PTPRN2: variants seen among roughly 807,000 people sequenced by gnomAD.
The protein encoded by PTPRN2 is protein tyrosine phosphatase receptor type N2.
PTPRN2 carries 74 observed loss-of-function variants against 118.8 expected under a neutral mutation model. The ratio of observed to expected loss-of-function variants is 0.62; its 90% CI spans 0.52 to 0.76. The LOEUF is 0.76. PTPRN2 is among the 30% of genes least tolerant of loss of function. The probability of loss-of-function intolerance (pLI) is 0.00; values close to 1 mark genes in which losing one functional copy is unlikely to be tolerated. For synonymous variants in PTPRN2, 641 were observed against 608.0 expected (o/e 1.05, Z -0.80); for missense variants, 1,481 against 1,394.4 (o/e 1.06, Z -0.99).
intron 10 of PTPRN2, among the ~76,000 whole-genome samples, chr7:158,108,940 T>C (rs1815934978): frequency 6.6e-6 from 1 of 152,210 alleles, no homozygotes; most frequent in Non-Finnish European, 1.5e-5. Context: ...GTGAATGACA[T>C]CAACCCTGTG....
intron 3 of PTPRN2, among the ~76,000 whole-genome samples, chr7:158,291,915 G>T (rs1015109915): frequency 2.0e-5 from 3 of 152,134 alleles, no homozygotes; most frequent in African/African-American, 7.2e-5. Flanking sequence ...AAAACAAGAG[G>T]CCCAGACATC....
chr7:157,817,331 T>G (rs552835299), intron 12 of PTPRN2, among the ~76,000 whole-genome samples: 1 of 152,176 alleles, frequency 6.6e-6, no homozygotes, highest in East Asian at 1.9e-4. Context: ...CGAAGAATCA[T>G]GTCACAGGAA....
At chr7:158,582,349 G>A (rs888137834) in intron 1 of PTPRN2, among the ~76,000 whole-genome samples, 2 of 152,132 alleles carry the variant, frequency 1.3e-5, no homozygotes, top group African/African-American at 2.4e-5. Flanking sequence ...TCTGGCCTTC[G>A]TCTCTTGGGA....
intron 12 of PTPRN2, among the ~76,000 whole-genome samples, chr7:157,769,047 C>T: frequency 6.6e-6 from 1 of 152,182 alleles, no homozygotes; most frequent in South Asian, 2.1e-4. Flanking sequence ...GTAATGTTGG[C>T]ATAATTTTTC....
intron 12 of PTPRN2, among the ~76,000 whole-genome samples, chr7:157,797,637 C>T (rs1421154382): frequency 6.6e-6 from 1 of 152,236 alleles, no homozygotes; most frequent in Non-Finnish European, 1.5e-5. Flanking sequence ...GGTGGCAGGG[C>T]CTGGCCAGAG....
At chr7:157,568,254 A>C (rs1325779981) in intron 21 of PTPRN2, among the ~76,000 whole-genome samples, 13 of 151,974 alleles carry the variant, frequency 8.6e-5, no homozygotes, top group Admixed American at 8.5e-4. Context: ...CCGTCTGCGC[A>C]TGCTGCCGCT....
intron 11 of PTPRN2, among the ~76,000 whole-genome samples, chr7:158,010,634 T>C (rs1317108986): frequency 6.6e-6 from 1 of 152,240 alleles, no homozygotes; most frequent in African/African-American, 2.4e-5. Context: ...CCCATTTATA[T>C]AGCACCAGTA....
intron 11 of PTPRN2, among the ~76,000 whole-genome samples, chr7:157,946,454 A>T (rs1289254540): frequency 6.6e-6 from 1 of 152,148 alleles, no homozygotes; most frequent in Non-Finnish European, 1.5e-5. Flanking sequence ...CAAAATAAAG[A>T]CTCTGCATGT....
intron 14 of PTPRN2, among the ~76,000 whole-genome samples, chr7:157,650,528 C>T (rs918480959): frequency 5.9e-5 from 9 of 152,182 alleles, no homozygotes; most frequent in Non-Finnish European, 1.2e-4. Flanking sequence ...ATCAGGCCTC[C>T]GCGCCAGCAC....
intron 4 of PTPRN2, among the ~76,000 whole-genome samples, chr7:158,195,126 C>T (rs1016790453): frequency 3.3e-5 from 5 of 152,182 alleles, no homozygotes; most frequent in Non-Finnish European, 7.3e-5. Flanking sequence ...GGTCATGGAG[C>T]TCTGTGGGTG....
chr7:157,946,869 G>A (rs1453056412), intron 11 of PTPRN2, among the ~76,000 whole-genome samples: 1 of 152,222 alleles, frequency 6.6e-6, no homozygotes, highest in Non-Finnish European at 1.5e-5. Flanking sequence ...GACGGCCGGG[G>A]CCCGACACTG....
intron 2 of PTPRN2, among the ~76,000 whole-genome samples, chr7:158,340,986 C>G (rs1180970710): frequency 1.2e-3 from 88 of 75,014 alleles, no homozygotes; most frequent in Middle Eastern, 7.0e-3. Context: ...CACACCCACA[C>G]TCTCACCATA....
At chr7:157,702,768 G>A (rs753445661) in intron 12 of PTPRN2, among the ~76,000 whole-genome samples, 2 of 152,220 alleles carry the variant, frequency 1.3e-5, no homozygotes, top group Non-Finnish European at 2.9e-5. Context: ...AGAAAAGTGC[G>A]TGTGTGCCAT....
At chr7:158,557,121 C>T (rs1475056974) in intron 1 of PTPRN2, among the ~76,000 whole-genome samples, 3 of 129,982 alleles carry the variant, frequency 2.3e-5, no homozygotes, top group Non-Finnish European at 3.2e-5. Context: ...AGGTCGCTCC[C>T]GCGCAGGGCA....
Position 158,145,908 on chromosome 7 carries a change from G to C in PTPRN2, c.911-7393C>G, listed in dbSNP as rs372245779. 6.6e-5 allele frequency among the ~76,000 whole-genome samples: 10 copies of C among 152,278 alleles called. 1 individual carries two copies. The highest frequency in any genetic ancestry group is 2.4e-4 in the African/African-American group (10 of 41,554). On this transcript the variant is annotated intron_variant, in intron 6 of 22. Coordinates refer to ENST00000389418, the MANE Select transcript of PTPRN2 (RefSeq NM_002847.5). Reference sequence around the variant, plus strand: ...CCAGCGCTCATGGTCTGTGGTTTGGGGCAAGCTCGCTCATTTCTTCATGCC... The same window carrying C: ...CCAGCGCTCATGGTCTGTGGTTTGGCGCAAGCTCGCTCATTTCTTCATGCC...
At chr7:158,442,056 TG>T (rs1419415922) in intron 2 of PTPRN2, among the ~76,000 whole-genome samples, 4 of 150,814 alleles carry the variant, frequency 2.7e-5, no homozygotes, top group Non-Finnish European at 2.9e-5. Flanking sequence ...GTGGTGGTGA[TG>T]GTGATGGCAG....
Position 157,732,424 on chromosome 7 carries a change from T to C in PTPRN2, c.1789-49487A>G, listed in dbSNP as rs1250268805. 1.5e-3 allele frequency among the ~76,000 whole-genome samples: 30 copies of C among 20,372 alleles called. 3 individuals are homozygous for C. Among genetic ancestry groups the C allele is most frequent in the East Asian group, 5.9e-3 (2 of 338 alleles). 13.4% of individuals were successfully genotyped at this position (20,372 alleles called of 152,430 possible). A position where few individuals can be genotyped will look rare whatever the true frequency, so the allele number is the denominator to read the frequency against. ...AGCACAGTTACCCTTTTCCGCCCCA[T>C]GCGCCCAGCACAGTTACCCTTTTCC... On this transcript the variant is annotated intron_variant, in intron 12 of 22. Coordinates refer to ENST00000389418, the MANE Select transcript of PTPRN2 (RefSeq NM_002847.5).
In PTPRN2 at chr7:158,133,720, G is replaced by T; in HGVS notation, c.1513C>A (p.Pro505Thr). 6.2e-7 allele frequency: 1 copy of T among 1,610,124 alleles called. No homozygotes were observed. Among genetic ancestry groups the T allele is most frequent in the Non-Finnish European group, 8.5e-7 (1 of 1,177,876 alleles). The change falls in exon 9 of 23, where the codon CCT (proline) becomes ACT (threonine). Residue 505 changes from proline to threonine, a missense_variant. Physicochemically the swap from Pro to Thr is conservative, Grantham distance 38 (BLOSUM62 -1). This residue lies in a region of PTPRN2 where 1,115 missense variants were observed against 994.2 expected (regional missense o/e 1.12). Coordinates refer to ENST00000389418, the MANE Select transcript of PTPRN2 (RefSeq NM_002847.5). ...LSDGLQLEVQPSEEEARGYIV... is the reference protein window; with the variant it reads ...LSDGLQLEVQTSEEEARGYIV... ...TAGCCCCGCGCCTCTTCCTCGGAAG[G>T]CTGGACCTCCAATTGCAGGCCGTCG...
chr7:158,141,092 C>T (rs886064624), intron 6 of PTPRN2, among the ~76,000 whole-genome samples: 2 of 152,084 alleles, frequency 1.3e-5, no homozygotes, highest in African/African-American at 2.4e-5. Context: ...GGTCTCACCA[C>T]GACCCTCCAC....
Sources: allele counts gnomAD v4.1 joint callset (sites outside exome capture counted in the v4.1 genomes callset), GRCh38; gene constraint gnomAD v4.1.1; regional missense constraint gnomAD v4.1.1; transcripts MANE v1.5; gene names NCBI Gene and HGNC (gene_info 2026-07-23, HGNC 2026-07-21).